KYAT3: variants seen among roughly 807,000 people sequenced by gnomAD.
The protein encoded by KYAT3 is kynurenine--oxoglutarate transaminase 3.
KYAT3 carries 50 observed loss-of-function variants against 59.0 expected under a neutral mutation model. The ratio of observed to expected loss-of-function variants is 0.85; its 90% CI spans 0.68 to 1.07. The LOEUF (loss-of-function observed/expected upper bound fraction) is 1.07. KYAT3 is among the 50% of genes least tolerant of loss of function. KYAT3 has a pLI of 0.00. For missense variants in KYAT3, 497 were observed against 533.3 expected (o/e 0.93, Z 0.67); for synonymous variants, 148 against 177.0 (o/e 0.84, Z 1.30).
rs527836098 is a variant in KYAT3 at position 88,943,430 on chromosome 1, C to A, written c.1142-7G>T. 1.7e-4 allele frequency: 260 copies of A among 1,514,256 alleles called. 2 individuals are homozygous for A. The South Asian group carries it at 3.0e-3, about 17-fold the overall frequency. The allele number at this position is 1,514,256 out of a possible 1,614,324, so 93.8% of individuals were successfully genotyped here. A position where few individuals can be genotyped will look rare whatever the true frequency, so the allele number is the denominator to read the frequency against. On this transcript the variant is annotated splice_polypyrimidine_tract_variant and splice_region_variant and intron_variant, in intron 11 of 13. Transcript: ENST00000260508. ...ATATCAGAGAGGTCTGGATCTAAAA[C>A]CACAATGAAAATTAGGTGGCCTATG... is the stretch of plus-strand genomic sequence containing the variant.
At position 88,983,867 on chromosome 1, in the gene KYAT3, C is replaced by G. The variant is rs111754940; in HGVS notation, c.99+4385G>C. ...TGAGTCGGAGGGGTGACAGTGGGTT[C>G]AAGCTCCAACAAGCTCGCCGACAGG... is the stretch of plus-strand genomic sequence containing the variant. On this transcript the variant is annotated intron_variant, in intron 2 of 13. Coordinates refer to ENST00000260508, the MANE Select transcript of KYAT3 (RefSeq NM_001008661.3). 1.6e-4 allele frequency: 258 copies of G among 1,607,174 alleles called. No homozygotes were observed. In the African/African-American group the frequency reaches 3.1e-3, roughly 19 times the overall value.
Position 88,936,100 on chromosome 1 carries a change from T to C in KYAT3, c.*83A>G. 2 of 898,880 alleles carry C rather than the reference T, an allele frequency of 2.2e-6. No homozygotes were observed. Among genetic ancestry groups the C allele is most frequent in the Admixed American group, 4.1e-5 (2 of 49,036 alleles). The allele number at this position is 898,880 out of a possible 1,614,324, so 55.7% of individuals were successfully genotyped here. ...TAAATTCCAGTTGTACTGAAATACC[T>C]TTTAACATCCAGCAGGTGGCAGCAC... is the stretch of plus-strand genomic sequence containing the variant. On this transcript the variant is annotated 3_prime_UTR_variant, in exon 14 of 14. Coordinates refer to ENST00000260508, the MANE Select transcript of KYAT3 (RefSeq NM_001008661.3).
chr1:88,991,938 T>A (rs569935700), intron 1 of KYAT3, among the ~76,000 whole-genome samples: 8 of 152,014 alleles, frequency 5.3e-5, no homozygotes, highest in African/African-American at 1.9e-4. Flanking sequence ...TGGATTCTGC[T>A]AAGCTTCATT....
intron 2 of KYAT3, among the ~76,000 whole-genome samples, chr1:88,977,016 TTC>T (rs1423483251): frequency 6.6e-6 from 1 of 151,872 alleles, no homozygotes; most frequent in Non-Finnish European, 1.5e-5. Flanking sequence ...AAAGGTTCTG[TTC>T]TGTTTTGTTT....
intron 2 of KYAT3, among the ~76,000 whole-genome samples, chr1:88,972,508 C>G (rs948073698): frequency 6.6e-6 from 1 of 152,144 alleles, no homozygotes; most frequent in East Asian, 1.9e-4. Context: ...TCAGTTAGCT[C>G]TATCAGTCAG....
intron 11 of KYAT3, among the ~76,000 whole-genome samples, chr1:88,945,555 C>T (rs1056952168): frequency 1.3e-5 from 2 of 152,116 alleles, no homozygotes; most frequent in African/African-American, 4.8e-5. Context: ...ATAATAGCAC[C>T]AATTTCATAT....
chr1:88,952,682 T>A (rs1048460739), intron 10 of KYAT3, among the ~76,000 whole-genome samples: 1 of 152,174 alleles, frequency 6.6e-6, no homozygotes, highest in African/African-American at 2.4e-5. Flanking sequence ...CTTTATAAAT[T>A]ACTAAGTCTC....
chr1:88,974,469 CTTTTT>C (rs71084932), intron 2 of KYAT3, among the ~76,000 whole-genome samples: 1 of 69,660 alleles, frequency 1.4e-5, no homozygotes, highest in Non-Finnish European at 2.5e-5. Context: ...GTGTCTCTCT[CTTTTT>C]TTTTTTTTTT....
chr1:88,965,966 T>A (rs976759731), intron 4 of KYAT3, among the ~76,000 whole-genome samples: 1 of 152,224 alleles, frequency 6.6e-6, no homozygotes, highest in African/African-American at 2.4e-5. Flanking sequence ...GAATGATAAG[T>A]GTTTGTGCTT....
intron 8 of KYAT3, among the ~76,000 whole-genome samples, chr1:88,958,815 CA>C (rs1185270168): frequency 6.6e-6 from 1 of 152,034 alleles, no homozygotes; most frequent in East Asian, 1.9e-4. Context: ...ACAATATCAC[CA>C]TTTCATGATG....
intron 1 of KYAT3, 145 bp from the exon 2 acceptor site, chr1:88,988,496 T>A: frequency 2.0e-6 from 1 of 510,014 alleles, no homozygotes; most frequent in Non-Finnish European, 3.5e-6. Flanking sequence ...TTCTTTCAAG[T>A]TTTCTTTCTA....
intron 13 of KYAT3, among the ~76,000 whole-genome samples, chr1:88,936,609 A>G (rs1207328748): frequency 6.6e-6 from 1 of 151,442 alleles, no homozygotes; most frequent in Admixed American, 6.6e-5. Flanking sequence ...TTATGCTTCT[A>G]TTTCCTTATT....
chr1:88,988,399 T>G, intron 1 of KYAT3, 48 bp from the exon 2 acceptor site: 1 of 1,041,544 alleles, frequency 9.6e-7, no homozygotes, highest in Non-Finnish European at 1.5e-6. Flanking sequence ...ATATGATGGG[T>G]ACATCACTAT....
chr1:88,946,203 A>C (rs1675436363), intron 11 of KYAT3, among the ~76,000 whole-genome samples: 3 of 152,184 alleles, frequency 2.0e-5, no homozygotes, highest in African/African-American at 7.2e-5. Context: ...CTACGCAACT[A>C]ATTTCATTTT....
chr1:88,977,050 C>CT (rs1553171174), intron 2 of KYAT3, among the ~76,000 whole-genome samples: 1 of 151,788 alleles, frequency 6.6e-6, no homozygotes, highest in East Asian at 1.9e-4. Context: ...AGTCTCACTT[C>CT]GTTGCCCAGG....
At chr1:88,943,196 A>G (rs1675306800) in intron 12 of KYAT3, 105 bp from the exon 13 acceptor site, 3 of 1,072,554 alleles carry the variant, frequency 2.8e-6, no homozygotes, top group Non-Finnish European at 4.2e-6. Flanking sequence ...AAATAGTCAC[A>G]ATAATTTCCA....
intron 1 of KYAT3, 92 bp from the exon 2 acceptor site, chr1:88,988,443 T>C: frequency 1.5e-6 from 1 of 659,040 alleles, no homozygotes; most frequent in Non-Finnish European, 2.5e-6. Context: ...TATCATAAGC[T>C]TACGTAAAAT....
intron 13 of KYAT3, among the ~76,000 whole-genome samples, chr1:88,942,388 C>G (rs558114324): frequency 5.3e-5 from 8 of 152,030 alleles, no homozygotes; most frequent in Admixed American, 2.6e-4. Context: ...AGATCTGGGT[C>G]ACCTTTAGGC....
chr1:88,922,677 A>G, the KYAT3 span, among the ~76,000 whole-genome samples: 1 of 152,208 alleles, frequency 6.6e-6, no homozygotes, highest in Non-Finnish European at 1.5e-5. Flanking sequence ...ATTGTTTTCC[A>G]TAAAACCGGT....
Sources: gnomAD v4.1 joint callset for allele counts (sites outside exome capture counted in the v4.1 genomes callset) on GRCh38, gnomAD v4.1.1 for gene constraint, MANE v1.5 for transcripts, NCBI Gene and HGNC (gene_info 2026-07-23, HGNC 2026-07-21) for gene names.